Variants in ULK4 observed in about 807,000 individuals in gnomAD.
ULK4 encodes inactive serine/threonine-protein kinase ULK4.
In ULK4, 133 loss-of-function variants were observed where a neutral mutation model predicts 160.6. The ratio of observed to expected loss-of-function variants is 0.83; its 90% CI spans 0.72 to 0.96. The LOEUF (loss-of-function observed/expected upper bound fraction) is 0.96, where lower values mean the gene tolerates loss of function less well. ULK4 is among the 40% of genes least tolerant of loss of function. The probability of loss-of-function intolerance (pLI) is 0.00; values close to 1 mark genes in which losing one functional copy is unlikely to be tolerated. For synonymous variants in ULK4, 534 were observed against 539.8 expected, an observed-to-expected ratio of 0.99 and a Z score of 0.15; for missense variants, 1,580 against 1,499.5, an observed-to-expected ratio of 1.05 and a Z score of -0.89.
chr3:41,766,612 G>A (rs944647255), intron 21 of ULK4: 1 of 152,168 alleles, frequency 6.6e-6, no homozygotes, highest in African/African-American at 2.4e-5. Context: ...AGACAGGGGA[G>A]GTAAATATGG....
rs1553664758 is a variant in ULK4 at position 41,431,547 on chromosome 3, C to CTTTTTTTTTTTTTTTTTTT, written c.3492+23949_3492+23950insAAAAAAAAAAAAAAAAAAA. ...CCTGTGAGGTGTTGTAATTCCCTCC[C>CTTTTTTTTTTTTTTTTTTT]TTTTTTTTTTTTTTTGATGTGGAAA... On this transcript the variant is annotated intron_variant, in intron 34 of 36. Transcript: ENST00000301831. 2.9e-4 allele frequency among the ~76,000 whole-genome samples: 28 copies of CTTTTTTTTTTTTTTTTTTT among 95,854 alleles called. 2 individuals are homozygous for CTTTTTTTTTTTTTTTTTTT. The highest frequency in any genetic ancestry group is 4.6e-4 in the African/African-American group (11 of 23,680). The allele number at this position is 95,854 out of a possible 152,430, so 62.9% of individuals were successfully genotyped here.
At chr3:41,695,734 T>C (rs1236208130) in intron 27 of ULK4, among the ~76,000 whole-genome samples, 2 of 152,272 alleles carry the variant, frequency 1.3e-5, no homozygotes, top group South Asian at 2.1e-4. Context: ...GCTGTTCCAG[T>C]ATAATAAAAT....
At chr3:41,662,267 TAAA>T (rs1365346274) in intron 30 of ULK4, among the ~76,000 whole-genome samples, 3 of 152,154 alleles carry the variant, frequency 2.0e-5, no homozygotes, top group South Asian at 2.1e-4. Flanking sequence ...TTGGCAAAGA[TAAA>T]AAGGGTATTA....
chr3:41,501,032 C>A (rs2085185198), intron 32 of ULK4, among the ~76,000 whole-genome samples: 1 of 152,084 alleles, frequency 6.6e-6, no homozygotes, highest in Non-Finnish European at 1.5e-5. Flanking sequence ...CAGGGCGATA[C>A]AAATTAAGAC....
chr3:41,812,633 C>T (rs2040850926), intron 19 of ULK4, among the ~76,000 whole-genome samples: 1 of 152,168 alleles, frequency 6.6e-6, no homozygotes, highest in Admixed American at 6.5e-5. Flanking sequence ...GGGGGCTCCA[C>T]TTGGTGGTGT....
chr3:41,513,609 G>T (rs1013353646), intron 32 of ULK4, among the ~76,000 whole-genome samples: 1 of 152,182 alleles, frequency 6.6e-6, no homozygotes, highest in Non-Finnish European at 1.5e-5. Flanking sequence ...CTCCAGCCTG[G>T]CAACAGAGCA....
chr3:41,627,211 G>A (rs2033555731), intron 30 of ULK4, among the ~76,000 whole-genome samples: 1 of 152,166 alleles, frequency 6.6e-6, no homozygotes, highest in Non-Finnish European at 1.5e-5. Context: ...TCAGAGAGCA[G>A]AGGAATCAGG....
At chr3:41,829,934 G>A (rs890199048) in intron 18 of ULK4, among the ~76,000 whole-genome samples, 2 of 151,738 alleles carry the variant, frequency 1.3e-5, no homozygotes, top group African/African-American at 4.9e-5. Flanking sequence ...AAGAAAATGT[G>A]GTACATATAC....
chr3:41,430,607 G>C (rs2125845787), intron 34 of ULK4, among the ~76,000 whole-genome samples: 1 of 152,280 alleles, frequency 6.6e-6, no homozygotes, highest in East Asian at 1.9e-4. Context: ...GCACATTAAT[G>C]AGGCTGTTCA....
chr3:41,374,898 A>C (rs1452409713), intron 35 of ULK4, among the ~76,000 whole-genome samples: 1 of 152,238 alleles, frequency 6.6e-6, no homozygotes, highest in Admixed American at 6.5e-5. Flanking sequence ...TCATCGTCTC[A>C]GCTCAAAAAC....
chr3:41,368,341 G>A (rs549770160), intron 35 of ULK4, among the ~76,000 whole-genome samples: 5 of 152,092 alleles, frequency 3.3e-5, no homozygotes, highest in Non-Finnish European at 7.3e-5. Context: ...GAGCCACCAA[G>A]CCCGGCCTGT....
At chr3:41,632,008 C>T (rs1366446514) in intron 30 of ULK4, among the ~76,000 whole-genome samples, 1 of 152,176 alleles carries the variant, frequency 6.6e-6, no homozygotes, top group Non-Finnish European at 1.5e-5. Context: ...TGAACCTCGT[C>T]GCTCTGCAGC....
intron 21 of ULK4, among the ~76,000 whole-genome samples, chr3:41,768,249 T>C (rs2125915754): frequency 6.6e-6 from 1 of 152,352 alleles, no homozygotes; most frequent in Admixed American, 6.5e-5. Context: ...TGGAGACCAC[T>C]GGTTTGTAAG....
chr3:41,312,799 C>A (rs571476152), intron 35 of ULK4, among the ~76,000 whole-genome samples: 1 of 152,182 alleles, frequency 6.6e-6, no homozygotes, highest in East Asian at 1.9e-4. Context: ...CAGAGTGAGA[C>A]CCTGTCTCAA....
At chr3:41,678,394 A>G (rs900284875) in intron 29 of ULK4, among the ~76,000 whole-genome samples, 1 of 152,162 alleles carries the variant, frequency 6.6e-6, no homozygotes, top group Non-Finnish European at 1.5e-5. Context: ...TTTTTCCAGA[A>G]GTATTAGAAA....
intron 32 of ULK4, among the ~76,000 whole-genome samples, chr3:41,507,001 T>C (rs1318207795): frequency 1.3e-5 from 2 of 149,646 alleles, no homozygotes; most frequent in South Asian, 2.1e-4. Context: ...ATTGCACATA[T>C]ATACACATAC....
intron 1 of ULK4, 191 bp downstream of exon 1, chr3:41,961,825 A>C (rs1700685450): frequency 6.6e-6 from 1 of 152,598 alleles, no homozygotes; most frequent in African/African-American, 2.4e-5. Context: ...CGCCCGGATA[A>C]AAACGGGCGG....
chr3:41,310,934 A>G (rs772471342), intron 35 of ULK4, among the ~76,000 whole-genome samples: 1 of 152,046 alleles, frequency 6.6e-6, no homozygotes, highest in Non-Finnish European at 1.5e-5. Flanking sequence ...TTGAGGCTGC[A>G]GTGAGCTGTG....
At chr3:41,896,158 C>A (rs1292436713) in intron 15 of ULK4, among the ~76,000 whole-genome samples, 1 of 152,176 alleles carries the variant, frequency 6.6e-6, no homozygotes, top group East Asian at 1.9e-4. Flanking sequence ...CCAGATGACC[C>A]AGTAAAGGAA....
Sources: allele counts gnomAD v4.1 joint callset (sites outside exome capture counted in the v4.1 genomes callset), GRCh38; gene constraint gnomAD v4.1.1; transcripts MANE v1.5; gene names NCBI Gene and HGNC (gene_info 2026-07-23, HGNC 2026-07-21).